Variants in TTC13 observed in about 807,000 individuals in gnomAD.
TTC13 encodes tetratricopeptide repeat protein 13.
TTC13 carries 62 observed loss-of-function variants against 120.0 expected under a neutral mutation model. The ratio of observed to expected loss-of-function variants is 0.52; its 90% CI spans 0.42 to 0.64. The LOEUF (loss-of-function observed/expected upper bound fraction) is 0.64, where lower values mean the gene tolerates loss of function less well. TTC13 is among the 30% of genes least tolerant of loss of function. The pLI is 0.00. For missense variants in TTC13, 824 were observed against 1,050.2 expected (o/e 0.78, Z 2.98); for synonymous variants, 384 against 393.5 (o/e 0.98, Z 0.28).
Position 230,961,198 on chromosome 1 carries a change from A to G in TTC13, c.366+11T>C. Reference sequence around the variant, plus strand: ...GGTTACAAAAACAGAACACAGAGAGAAGATGCATACCAGAATCTTCTCAGT... The same window carrying G: ...GGTTACAAAAACAGAACACAGAGAGGAGATGCATACCAGAATCTTCTCAGT... On this transcript the variant is annotated intron_variant, in intron 2 of 22. Coordinates refer to ENST00000366661, the MANE Select transcript of TTC13 (RefSeq NM_024525.5). 1 of 1,607,190 alleles carries G rather than the reference A, an allele frequency of 6.2e-7. No individual in the cohort carries two copies. The highest frequency in any genetic ancestry group is 8.5e-7 in the Non-Finnish European group (1 of 1,174,360).
chr1:230,908,490 T>G (rs1407710565), intron 22 of TTC13: 1 of 554,776 alleles, frequency 1.8e-6, no homozygotes, highest in East Asian at 3.4e-5. Context: ...GTGCCTGGCC[T>G]TCATAGTCCA....
intron 4 of TTC13, 72 bp downstream of exon 4, chr1:230,954,261 T>A: frequency 9.5e-7 from 1 of 1,051,040 alleles, no homozygotes; most frequent in Non-Finnish European, 1.5e-6. Context: ...TTACAGCACT[T>A]CAGCTGTTCA....
At chr1:230,925,177 T>G (rs2102809120) in intron 13 of TTC13, among the ~76,000 whole-genome samples, 1 of 152,332 alleles carries the variant, frequency 6.6e-6, no homozygotes, top group South Asian at 2.1e-4. Flanking sequence ...ACAACTCAAG[T>G]TGTCTGCTCC....
chr1:230,969,308 C>T (rs1572297940), intron 1 of TTC13, among the ~76,000 whole-genome samples: 1 of 151,766 alleles, frequency 6.6e-6, no homozygotes. Context: ...AAGAAGCTTA[C>T]GTTTAATAAG....
rs747654795 is a variant in TTC13, at chr1:230,912,608, CAA to C, written c.2229+13_2229+14del. 59 of 1,606,584 alleles carry C rather than the reference CAA, an allele frequency of 3.7e-5. No individual in the cohort carries two copies. Among genetic ancestry groups the C allele is most frequent in the Admixed American group, 2.9e-4 (17 of 58,436 alleles). On this transcript the variant is annotated intron_variant, in intron 19 of 22. Transcript: ENST00000366661. ...CATAGGAAGAGCAGAAAAATGGAAACAAAGAGAAACCTACCCCAAATTCTGAT... is the reference window on the plus strand; with the variant it reads ...CATAGGAAGAGCAGAAAAATGGAAACAGAGAAACCTACCCCAAATTCTGAT...
In TTC13 at chr1:230,944,773, T is replaced by C. The variant is rs145220823; in HGVS notation, c.579+616A>G. Among the ~76,000 whole-genome samples the C allele has an allele frequency of 1.9e-3, 294 of 152,170 alleles. No individual in the cohort carries two copies. The highest frequency in any genetic ancestry group is 3.5e-3 in the Admixed American group (54 of 15,280). ...ATATTTTTAGTATACAATAAGACAATAGAAAAAGTTTGCATATAATGTCCT... is the reference window on the plus strand; with the variant it reads ...ATATTTTTAGTATACAATAAGACAACAGAAAAAGTTTGCATATAATGTCCT... On this transcript the variant is annotated intron_variant, in intron 5 of 22. Transcript: ENST00000366661. This position sits in a 1 kb window ranked among gnomAD's most constrained non-coding sequence, Gnocchi z 4.0.
intron 3 of TTC13, among the ~76,000 whole-genome samples, chr1:230,956,226 C>T (rs12044966): frequency 0.38 from 57,257 of 152,160 alleles, 11,271 homozygotes; most frequent in African/African-American, 0.5. Flanking sequence ...ACCTCCCAGG[C>T]AGCCCGGTAC....
intron 20 of TTC13, 81 bp downstream of exon 20, chr1:230,911,389 C>T: frequency 9.8e-7 from 1 of 1,024,030 alleles, no homozygotes; most frequent in Non-Finnish European, 1.4e-6. Context: ...TACTCTGTAC[C>T]TATATCCATA....
At chr1:230,908,846 C>T in intron 21 of TTC13, 55 bp from the exon 22 acceptor site, 2 of 1,605,912 alleles carry the variant, frequency 1.2e-6, no homozygotes, top group Non-Finnish European at 1.7e-6. Flanking sequence ...ACAGGCTCGG[C>T]TGGAGATCTA....
chr1:230,925,780 A>T, intron 12 of TTC13, 133 bp from the exon 13 acceptor site: 1 of 963,406 alleles, frequency 1.0e-6, no homozygotes, highest in Non-Finnish European at 1.6e-6. Context: ...TCCTTACTTC[A>T]GTCCTTTGCA....
rs201925182 is a variant in TTC13, at chr1:230,923,924, G to A, written c.1731C>T (p.Asp577=). The A allele has an allele frequency of 8.1e-6, 13 of 1,613,418 alleles. No homozygotes were observed. The Admixed American group carries it at 2.0e-4, about 25-fold the overall frequency. Residue 577 remains aspartate (D), a synonymous_variant, in exon 15 of 23, where the codon GAC becomes GAT. Transcript: ENST00000366661. ...DIAVKWRRIA[D]PDQPVLWLDQ... is the part of the protein sequence containing the mutation. The stretch of plus-strand genomic sequence containing the variant: ...CTAACCACAGCACGGGCTGGTCTGG[G>A]TCAGCAATCCTATAAAACAGAGACC...
intron 18 of TTC13, among the ~76,000 whole-genome samples, chr1:230,915,321 C>A (rs1341654500): frequency 6.6e-6 from 1 of 151,000 alleles, no homozygotes; most frequent in Non-Finnish European, 1.5e-5. Context: ...ATGGCACTTC[C>A]CAAGGCTATG....
At chr1:230,919,433 G>C (rs1348073156) in intron 17 of TTC13, among the ~76,000 whole-genome samples, 4 of 152,078 alleles carry the variant, frequency 2.6e-5, no homozygotes, top group Non-Finnish European at 4.4e-5. Flanking sequence ...ATTCATGAGG[G>C]CTCTGCCATT....
At chr1:230,916,019 C>T (rs1395506267) in intron 18 of TTC13, among the ~76,000 whole-genome samples, 174 bp downstream of exon 18, 1 of 152,108 alleles carries the variant, frequency 6.6e-6, no homozygotes, top group Non-Finnish European at 1.5e-5. Flanking sequence ...TGGTGTAATA[C>T]TTTAGATGTC....
rs184512564 is a variant in TTC13 at position 230,966,496 on chromosome 1, A to G, written c.272-5193T>C. Among the ~76,000 whole-genome samples the G allele has an allele frequency of 5.5e-4, 84 of 152,340 alleles. 1 individual carries two copies. In the East Asian group the frequency reaches 0.015, roughly 27 times the overall value. On this transcript the variant is annotated intron_variant, in intron 1 of 22. Transcript: ENST00000366661. ...ATAGGATTTACATGTGATTTTTTAAATTGGGTTGATAACCATTGATTCAAT... is the reference window on the plus strand; with the variant it reads ...ATAGGATTTACATGTGATTTTTTAAGTTGGGTTGATAACCATTGATTCAAT...
intron 20 of TTC13, 126 bp downstream of exon 20, chr1:230,911,344 G>T: frequency 1.7e-6 from 1 of 591,290 alleles, no homozygotes; most frequent in Non-Finnish European, 2.8e-6. Context: ...GCAGATTTTG[G>T]AAAAAAATAG....
chr1:230,978,823 G>C lies in TTC13; in HGVS notation c.8C>G (p.Pro3Arg). 6.8e-7 allele frequency: 1 copy of C among 1,480,072 alleles called. No individual in the cohort carries two copies. Among genetic ancestry groups the C allele is most frequent in the Non-Finnish European group, 8.9e-7 (1 of 1,125,904 alleles). 91.7% of individuals were successfully genotyped at this position (1,480,072 alleles called of 1,614,324 possible). MA[P>R]AGCCCCCCFW... ...GCAGCAGCAGCAGCAGCAGCCGGCA[G>C]GTGCCATCTTCCCTCAAGGCGCATG... The change falls in exon 1 of 23, where the codon CCT becomes CGT. Residue 3 changes from proline to arginine, a missense_variant. By Grantham distance (103) the Pro-to-Arg change is moderately radical (BLOSUM62 -2). Coordinates refer to ENST00000366661, the MANE Select transcript of TTC13 (RefSeq NM_024525.5). This position sits in a 1 kb window ranked among gnomAD's most constrained non-coding sequence, Gnocchi z 5.6.
intron 6 of TTC13, 86 bp downstream of exon 6, chr1:230,943,720 A>C: frequency 3.6e-6 from 4 of 1,123,532 alleles, no homozygotes; most frequent in Non-Finnish European, 5.1e-6. Context: ...GGGAGCATTA[A>C]AATTTACAAA....
chr1:230,940,075 A>T lies in TTC13; in HGVS notation c.789+365T>A, dbSNP rs1039858737. ...GTTTCTTGGGCTGTGAAACCCAAAG[A>T]AATTCAAATTGTACCGCTAAGTTTA... On this transcript the variant is annotated intron_variant, in intron 7 of 22. Transcript: ENST00000366661. The surrounding 1 kb of genome is among the most constrained non-coding windows in gnomAD (Gnocchi z 4.1). Among the ~76,000 whole-genome samples the T allele has an allele frequency of 6.6e-6, 1 of 152,220 alleles. No homozygotes were observed. Among genetic ancestry groups the T allele is most frequent in the African/African-American group, 2.4e-5 (1 of 41,460 alleles).
Sources: gnomAD v4.1 joint callset for allele counts (sites outside exome capture counted in the v4.1 genomes callset) on GRCh38, gnomAD v4.1.1 for gene constraint, Gnocchi (gnomAD v3.1) non-coding constraint, MANE v1.5 for transcripts, NCBI Gene and HGNC (gene_info 2026-07-23, HGNC 2026-07-21) for gene names.